MAGI2: variants seen among roughly 807,000 people sequenced by gnomAD.
MAGI2 encodes the protein membrane-associated guanylate kinase, WW and PDZ domain-containing protein 2.
A neutral mutation model predicts 133.3 loss-of-function variants in MAGI2; 35 were observed. That is an observed-to-expected ratio of 0.26 (90% CI 0.20 to 0.35). MAGI2 has a LOEUF of 0.35. MAGI2 is among the 10% of genes least tolerant of loss of function. MAGI2 has a pLI of 1.00. For synonymous variants in MAGI2, 729 were observed against 710.6 expected (o/e 1.03, Z -0.41); for missense variants, 1,636 against 1,863.4 (o/e 0.88, Z 2.25).
intron 9 of MAGI2, among the ~76,000 whole-genome samples, chr7:78,326,483 A>G (rs773945445): frequency 6.6e-6 from 1 of 152,166 alleles, no homozygotes; most frequent in Non-Finnish European, 1.5e-5. Flanking sequence ...TTTATGGCAG[A>G]GACTGGTATT....
intron 6 of MAGI2, among the ~76,000 whole-genome samples, chr7:78,471,255 C>T (rs187921546): frequency 1.4e-4 from 21 of 152,202 alleles, no homozygotes; most frequent in Middle Eastern, 3.4e-3. Context: ...TGGAGTGAGA[C>T]ATGAGAAGAA....
At chr7:79,019,929 T>C (rs752245492) in intron 1 of MAGI2, among the ~76,000 whole-genome samples, 3 of 152,118 alleles carry the variant, frequency 2.0e-5, no homozygotes, top group Non-Finnish European at 4.4e-5. Flanking sequence ...GCTGTAAAGA[T>C]ACCAAAAAAT....
At chr7:79,093,288 A>G (rs1158416691) in intron 1 of MAGI2, among the ~76,000 whole-genome samples, 2 of 152,166 alleles carry the variant, frequency 1.3e-5, no homozygotes, top group African/African-American at 2.4e-5. Context: ...GAAGCATTCA[A>G]AAAGAAGACC....
At chr7:78,187,697 T>C (rs991088310) in intron 12 of MAGI2, among the ~76,000 whole-genome samples, 2 of 152,172 alleles carry the variant, frequency 1.3e-5, no homozygotes. Flanking sequence ...AGAACTTTCA[T>C]GTTTGGTGTG....
At chr7:79,190,114 T>C (rs973616685) in intron 1 of MAGI2, among the ~76,000 whole-genome samples, 4 of 151,844 alleles carry the variant, frequency 2.6e-5, no homozygotes, top group East Asian at 3.9e-4. Flanking sequence ...TTTGTGGACA[T>C]AAATTTTCAA....
chr7:79,336,978 A>T (rs1840481582), intron 1 of MAGI2, among the ~76,000 whole-genome samples: 1 of 143,940 alleles, frequency 6.9e-6, no homozygotes, highest in South Asian at 2.2e-4. Context: ...TGTTAATTAC[A>T]TTTTAGCTGC....
intron 20 of MAGI2, among the ~76,000 whole-genome samples, chr7:78,112,923 C>T (rs952095819): frequency 3.9e-5 from 6 of 152,164 alleles, no homozygotes; most frequent in African/African-American, 9.7e-5. Flanking sequence ...CTGGAAAGCA[C>T]GGGGAAGTCT....
intron 18 of MAGI2, among the ~76,000 whole-genome samples, chr7:78,128,839 G>A (rs538147454): frequency 3.7e-4 from 57 of 152,036 alleles, no homozygotes; most frequent in Non-Finnish European, 6.8e-4. Context: ...GCATAATTTC[G>A]GCCTTGCTTT....
chr7:79,113,439 G>A (rs965539484), intron 1 of MAGI2, among the ~76,000 whole-genome samples: 1 of 152,080 alleles, frequency 6.6e-6, no homozygotes, highest in Non-Finnish European at 1.5e-5. Context: ...TTGTCACACG[G>A]GTTTGTCATG....
At chr7:78,747,116 A>G (rs1319772509) in intron 2 of MAGI2, among the ~76,000 whole-genome samples, 4 of 152,156 alleles carry the variant, frequency 2.6e-5, no homozygotes, top group Non-Finnish European at 2.9e-5. Context: ...CTATGCTTAA[A>G]TTGGGCAGTT....
chr7:79,215,958 A>G (rs1829999193), intron 1 of MAGI2, among the ~76,000 whole-genome samples: 1 of 151,882 alleles, frequency 6.6e-6, no homozygotes, highest in African/African-American at 2.4e-5. Flanking sequence ...ACAGGGAAAT[A>G]CTGGGTAGAA....
chr7:79,086,226 C>T (rs1204233343), intron 1 of MAGI2, among the ~76,000 whole-genome samples: 1 of 151,740 alleles, frequency 6.6e-6, no homozygotes, highest in Non-Finnish European at 1.5e-5. Context: ...CAAGTCAGGT[C>T]AAATTTTAAA....
intron 1 of MAGI2, among the ~76,000 whole-genome samples, chr7:79,377,190 C>G (rs1843441159): frequency 6.6e-6 from 1 of 151,794 alleles, no homozygotes; most frequent in Non-Finnish European, 1.5e-5. Flanking sequence ...GGAGTTATTT[C>G]ATCCTCTAAA....
At chr7:78,456,997 G>A (rs886413110) in intron 6 of MAGI2, 2 of 152,212 alleles carry the variant, frequency 1.3e-5, no homozygotes, top group Non-Finnish European at 2.9e-5. Flanking sequence ...GCAAGTCGGT[G>A]CAAAAGTTTT....
At position 79,287,710 on chromosome 7, in the gene MAGI2, A is replaced by G. The variant is rs142038747; in HGVS notation, c.301+165310T>C. Among the ~76,000 whole-genome samples, 63 of 152,250 alleles carry G rather than the reference A, an allele frequency of 4.1e-4. No individual in the cohort carries two copies. In the East Asian group the frequency reaches 0.012, roughly 28 times the overall value. On this transcript the variant is annotated intron_variant, in intron 1 of 21. Transcript: ENST00000354212. ...TGCCTAGCACAAATAGGCAATCAGTAAGTAGTGGCTTCAGCTTCAGTTATT... is the reference window on the plus strand; with the variant it reads ...TGCCTAGCACAAATAGGCAATCAGTGAGTAGTGGCTTCAGCTTCAGTTATT...
intron 2 of MAGI2, among the ~76,000 whole-genome samples, chr7:78,797,452 G>A (rs983469330): frequency 3.9e-5 from 6 of 152,062 alleles, no homozygotes; most frequent in Non-Finnish European, 8.8e-5. Context: ...AAACTGTGAT[G>A]TATTAATCTC....
At chr7:78,105,959 A>G (rs1253919945) in intron 20 of MAGI2, among the ~76,000 whole-genome samples, 1 of 151,986 alleles carries the variant, frequency 6.6e-6, no homozygotes, top group African/African-American at 2.4e-5. Flanking sequence ...TCATCATTCT[A>G]TCTAACTGTA....
At chr7:78,725,660 G>A (rs1251134791) in intron 2 of MAGI2, among the ~76,000 whole-genome samples, 1 of 152,222 alleles carries the variant, frequency 6.6e-6, no homozygotes, top group Non-Finnish European at 1.5e-5. Context: ...TTAGCCGGGC[G>A]TGGTGGCAGG....
intron 6 of MAGI2, among the ~76,000 whole-genome samples, chr7:78,385,475 T>C (rs1175459691): frequency 6.6e-6 from 1 of 152,192 alleles, no homozygotes; most frequent in Non-Finnish European, 1.5e-5. Flanking sequence ...GACTATTTAG[T>C]GTGTAACTGT....
Sources: gnomAD v4.1 joint callset for allele counts (sites outside exome capture counted in the v4.1 genomes callset) on GRCh38, gnomAD v4.1.1 for gene constraint, MANE v1.5 for transcripts, NCBI Gene and HGNC (gene_info 2026-07-23, HGNC 2026-07-21) for gene names.